CSNK1D: variants seen among roughly 807,000 people sequenced by gnomAD.
The protein encoded by CSNK1D is casein kinase 1 delta.
In CSNK1D, 16 loss-of-function variants were observed where a neutral mutation model predicts 46.6. The observed-to-expected ratio is 0.34, with a 90% CI of 0.23 to 0.52. The LOEUF (loss-of-function observed/expected upper bound fraction) is 0.52. Among genes scored for constraint, CSNK1D ranks in the 20% least tolerant of loss-of-function variants. The probability of loss-of-function intolerance (pLI) is 0.95; values close to 1 mark genes in which losing one functional copy is unlikely to be tolerated. For synonymous variants in CSNK1D, 276 were observed against 228.2 expected, an observed-to-expected ratio of 1.21 and a Z score of -1.89; for missense variants, 398 against 578.4, an observed-to-expected ratio of 0.69 and a Z score of 3.20.
chr17:82,240,146 G>C (rs1192270409), downstream of CSNK1D: 29 of 1,052,862 alleles, frequency 2.8e-5, no homozygotes, highest in Non-Finnish European at 3.5e-5. Context: ...CTGGGCTTGA[G>C]CTCTTGCAGC....
At position 82,244,785 on chromosome 17, in the gene CSNK1D, C is replaced by G. The variant is rs762015722; in HGVS notation, c.1244G>C (p.Arg415Pro). ...TCACAGCAATAAGGAGAGTTCTCAT[C>G]GGTGCACGACAGACTGAAGACCACT... ...ASSGLQSVVH[R>P] The change falls in exon 9 of 9, where the codon CGA becomes CCA. Residue 415 changes from arginine to proline, a missense_variant. Transcript: ENST00000314028. The G allele has an allele frequency of 3.1e-6, 5 of 1,613,988 alleles. No homozygotes were observed. In the Admixed American group the frequency reaches 8.3e-5, roughly 27 times the overall value.
At chr17:82,254,211 A>G (rs1277371220) in intron 3 of CSNK1D, 2 of 275,060 alleles carry the variant, frequency 7.3e-6, no homozygotes, top group Non-Finnish European at 1.3e-5. Context: ...GAAGCCAGTG[A>G]GCTGAGCCGC....
In CSNK1D at chr17:82,243,470, G is replaced by A. The variant is rs1266799182; in HGVS notation, c.*1311C>T. Reference sequence around the variant, plus strand: ...CAGGGCACAGCAGCATGGAGCCTGGGGCAGCACCAGCTCACGGAGGCCACC... The same window carrying A: ...CAGGGCACAGCAGCATGGAGCCTGGAGCAGCACCAGCTCACGGAGGCCACC... On this transcript the variant is annotated 3_prime_UTR_variant, in exon 9 of 9. Transcript: ENST00000314028. 3 of 985,402 alleles carry A rather than the reference G, an allele frequency of 3.0e-6. No individual in the cohort carries two copies. Among genetic ancestry groups the A allele is most frequent in the Non-Finnish European group, 3.6e-6 (3 of 829,972 alleles). 61.0% of individuals were successfully genotyped at this position (985,402 alleles called of 1,614,324 possible). A position where few individuals can be genotyped will look rare whatever the true frequency, so the allele number is the denominator to read the frequency against.
chr17:82,248,330 G>C lies in CSNK1D; in HGVS notation c.1197+545C>G, dbSNP rs2050903331. On this transcript the variant is annotated intron_variant, in intron 8 of 8. Transcript: ENST00000314028. This position sits in a 1 kb window ranked among gnomAD's most constrained non-coding sequence, Gnocchi z 4.1. ...CTGAAGAGGCGGTGGCCGTGGCTAG[G>C]CCTGGGCTGCGCAACAGGGTACTTC... 2 of 994,872 alleles carry C rather than the reference G, an allele frequency of 2.0e-6. No individual in the cohort carries two copies. Among genetic ancestry groups the C allele is most frequent in the Non-Finnish European group, 1.2e-6 (1 of 835,112 alleles). 61.6% of individuals were successfully genotyped at this position (994,872 alleles called of 1,614,324 possible). A position where few individuals can be genotyped will look rare whatever the true frequency, so the allele number is the denominator to read the frequency against.
In CSNK1D at chr17:82,273,649, C is replaced by G; in HGVS notation, c.-268G>C. The G allele has an allele frequency of 3.6e-6, 2 of 548,484 alleles. No individual in the cohort carries two copies. The highest frequency in any genetic ancestry group is 6.4e-6 in the Non-Finnish European group (2 of 313,254). The allele number at this position is 548,484 out of a possible 1,614,324, so 34.0% of individuals were successfully genotyped here. On this transcript the variant is annotated 5_prime_UTR_variant, in exon 1 of 9. Transcript: ENST00000314028. The surrounding 1 kb of genome is among the most constrained non-coding windows in gnomAD (Gnocchi z 5.1). ...CCGCCGCGGATGGACTCGGATCTTC[C>G]GGGCCTAAATCCCCTTTCAGCTGCC...
In CSNK1D at chr17:82,249,477, C is replaced by T. The variant is rs747782995; in HGVS notation, c.1011G>A (p.Thr337=). 115 of 1,541,568 alleles carry T rather than the reference C, an allele frequency of 7.5e-5. 1 individual carries two copies. The highest frequency in any genetic ancestry group is 5.2e-4 in the African/African-American group (38 of 73,010). The change falls in exon 7 of 9, where the codon ACG becomes ACA. Residue 337 remains threonine, a synonymous_variant. Transcript: ENST00000314028. The surrounding 1 kb of genome is among the most constrained non-coding windows in gnomAD (Gnocchi z 6.7). ...GGGGTGTGGGGGGAGCCACTTCCTGCGTCCCCCGCAGGCGGCCGGAGGCTG... is the reference window on the plus strand; with the variant it reads ...GGGGTGTGGGGGGAGCCACTTCCTGTGTCCCCCGCAGGCGGCCGGAGGCTG... The part of the protein sequence containing the change: ...PSTASGRLRG[T]QEVAPPTPLT...
intron 3 of CSNK1D, 36 bp from the exon 4 acceptor site, chr17:82,253,280 G>A (rs367618938): frequency 5.5e-5 from 86 of 1,568,326 alleles, no homozygotes; most frequent in Non-Finnish European, 7.5e-5. Context: ...TGGCACCCCA[G>A]GGCAGTCTCA....
rs184480890 is a variant in CSNK1D, at chr17:82,258,334, G to A, written c.188-2757C>T. 1.2e-4 allele frequency among the ~76,000 whole-genome samples: 18 copies of A among 149,582 alleles called. No homozygotes were observed. The South Asian group carries it at 1.7e-3, about 14-fold the overall frequency. ...AATGTATATATAAACCTGAACATAT[G>A]TGTATATATATATATTATATATATG... On this transcript the variant is annotated intron_variant, in intron 2 of 8. Coordinates refer to ENST00000314028, the MANE Select transcript of CSNK1D (RefSeq NM_001893.6).
chr17:82,245,227 A>G, intron 8 of CSNK1D: 1 of 370,916 alleles, frequency 2.7e-6, no homozygotes, highest in South Asian at 2.4e-5. Flanking sequence ...CACAGTGTGA[A>G]AACTGCAGCG....
In CSNK1D at chr17:82,248,024, A is replaced by C; in HGVS notation, c.1197+851T>G. On this transcript the variant is annotated intron_variant, in intron 8 of 8. Coordinates refer to ENST00000314028, the MANE Select transcript of CSNK1D (RefSeq NM_001893.6). This position sits in a 1 kb window ranked among gnomAD's most constrained non-coding sequence, Gnocchi z 4.1. ...CTGGCTCCATCCTGTGATCCCAACA[A>C]ACACCTCCCCACAAGCCCAGAGCCA... The C allele has an allele frequency of 8.1e-6, 8 of 985,332 alleles. No homozygotes were observed. Among genetic ancestry groups the C allele is most frequent in the Non-Finnish European group, 7.2e-6 (6 of 829,942 alleles). 61.0% of individuals were successfully genotyped at this position (985,332 alleles called of 1,614,324 possible).
rs571702222 is a variant in CSNK1D at position 82,243,955 on chromosome 17, T to A, written c.*826A>T. 1.0e-6 allele frequency: 1 copy of A among 985,794 alleles called. No individual in the cohort carries two copies. Among genetic ancestry groups the A allele is most frequent in the East Asian group, 1.1e-4 (1 of 8,810 alleles). 61.1% of individuals were successfully genotyped at this position (985,794 alleles called of 1,614,324 possible). A position where few individuals can be genotyped will look rare whatever the true frequency, so the allele number is the denominator to read the frequency against. On this transcript the variant is annotated 3_prime_UTR_variant, in exon 9 of 9. Coordinates refer to ENST00000314028, the MANE Select transcript of CSNK1D (RefSeq NM_001893.6). Reference sequence around the variant, plus strand: ...CCAAGCTCTCAGCTGCCTGCCCACCTCCTGGGGAAGAAGCGCGCAGTGCTT... The same window carrying A: ...CCAAGCTCTCAGCTGCCTGCCCACCACCTGGGGAAGAAGCGCGCAGTGCTT...
downstream of CSNK1D, chr17:82,239,259 C>T (rs573112760): frequency 4.7e-6 from 1 of 213,660 alleles, no homozygotes; most frequent in African/African-American, 2.7e-5. Flanking sequence ...CTGCTATGCT[C>T]AAGGACCTGG....
intron 8 of CSNK1D, chr17:82,246,229 G>A (rs2050847044): frequency 6.7e-7 from 1 of 1,496,802 alleles, no homozygotes; most frequent in African/African-American, 1.4e-5. Context: ...TGAGAGTGGT[G>A]CCCACTCCTC....
chr17:82,254,797 A>C (rs1599595025), intron 3 of CSNK1D: 1 of 257,858 alleles, frequency 3.9e-6, no homozygotes, highest in Non-Finnish European at 7.0e-6. Context: ...GAAGCCAGTC[A>C]GCTGAGCCGC....
Position 82,251,611 on chromosome 17 carries a change from G to A in CSNK1D, c.737-84C>T, listed in dbSNP as rs2051011022. ...CTGCCAACGTCGCTGTCTACCTCCT[G>A]CTGCTGCACACTCAAGGGGAGAAGG... is the stretch of plus-strand genomic sequence containing the variant. On this transcript the variant is annotated intron_variant, in intron 5 of 8. Transcript: ENST00000314028. This position sits in a 1 kb window ranked among gnomAD's most constrained non-coding sequence, Gnocchi z 4.5. The A allele has an allele frequency of 7.4e-7, 1 of 1,357,682 alleles. No individual in the cohort carries two copies. Among genetic ancestry groups the A allele is most frequent in the Non-Finnish European group, 1.0e-6 (1 of 958,504 alleles). 84.1% of individuals were successfully genotyped at this position (1,357,682 alleles called of 1,614,324 possible).
intron 2 of CSNK1D, among the ~76,000 whole-genome samples, chr17:82,258,887 G>GT (rs1424936970): frequency 6.6e-6 from 1 of 152,214 alleles, no homozygotes; most frequent in African/African-American, 2.4e-5. Flanking sequence ...ACCACACAAA[G>GT]TATCATCACG....
intron 3 of CSNK1D, chr17:82,253,590 G>A (rs1229854235): frequency 1.1e-5 from 4 of 370,410 alleles, no homozygotes; most frequent in African/African-American, 2.1e-5. Flanking sequence ...GAAACTGCAC[G>A]GAGGTGCTTA....
At chr17:82,258,542 T>C (rs1385270057) in intron 2 of CSNK1D, among the ~76,000 whole-genome samples, 1 of 152,136 alleles carries the variant, frequency 6.6e-6, no homozygotes, top group East Asian at 1.9e-4. Flanking sequence ...GTGAATTCTT[T>C]TCTCTCTCTA....
rs114135129 is a variant in CSNK1D, at chr17:82,257,146, C to T, written c.188-1569G>A. 3.9e-3 allele frequency among the ~76,000 whole-genome samples: 597 copies of T among 151,998 alleles called. 2 individuals carry two copies. Among genetic ancestry groups the T allele is most frequent in the South Asian group, 0.028 (135 of 4,802 alleles). On this transcript the variant is annotated intron_variant, in intron 2 of 8. Transcript: ENST00000314028. ...AGCTCATTTTACTGGCCACATGTAT[C>T]GCCTCTCCTCTGAAGGCATGTATTT...
Sources: allele counts gnomAD v4.1 joint callset (sites outside exome capture counted in the v4.1 genomes callset), GRCh38; gene constraint gnomAD v4.1.1; non-coding constraint Gnocchi (gnomAD v3.1); transcripts MANE v1.5; gene names NCBI Gene and HGNC (gene_info 2026-07-23, HGNC 2026-07-21).